RNF150: variants seen among roughly 807,000 people sequenced by gnomAD.
The protein encoded by RNF150 is ring finger protein 150.
A neutral mutation model predicts 39.3 loss-of-function variants in RNF150; 24 were observed. The ratio of observed to expected loss-of-function variants is 0.61; its 90% CI spans 0.44 to 0.86. The LOEUF (loss-of-function observed/expected upper bound fraction) is 0.86, where lower values mean the gene tolerates loss of function less well. Among genes scored for constraint, RNF150 ranks in the 40% least tolerant of loss-of-function variants. RNF150 has a pLI of 0.00. For synonymous variants in RNF150, 255 were observed against 227.3 expected, an observed-to-expected ratio of 1.12 and a Z score of -1.10; for missense variants, 502 against 587.8, an observed-to-expected ratio of 0.85 and a Z score of 1.51.
At chr4:140,931,227 T>C (rs1731623074) in intron 4 of RNF150, among the ~76,000 whole-genome samples, 1 of 152,178 alleles carries the variant, frequency 6.6e-6, no homozygotes, top group South Asian at 2.1e-4. Flanking sequence ...GTGATTATTA[T>C]GATTTCTACT....
At chr4:141,068,585 A>G (rs1737556066) in intron 1 of RNF150, among the ~76,000 whole-genome samples, 1 of 151,608 alleles carries the variant, frequency 6.6e-6, no homozygotes, top group Non-Finnish European at 1.5e-5. Context: ...GTTTTTTCCA[A>G]TTCTGTGAAG....
chr4:141,087,961 G>A (rs1000905396), intron 1 of RNF150, among the ~76,000 whole-genome samples: 8 of 152,058 alleles, frequency 5.3e-5, no homozygotes, highest in Non-Finnish European at 8.8e-5. Flanking sequence ...GAGGACATGT[G>A]CCTGCCCTTT....
chr4:141,115,466 C>A (rs1455439641), intron 1 of RNF150, among the ~76,000 whole-genome samples: 2 of 152,218 alleles, frequency 1.3e-5, no homozygotes, highest in South Asian at 2.1e-4. Context: ...AGGAGAACTA[C>A]AAACCACCGC....
chr4:141,067,781 T>A (rs904300321), intron 1 of RNF150, among the ~76,000 whole-genome samples: 1 of 152,130 alleles, frequency 6.6e-6, no homozygotes, highest in African/African-American at 2.4e-5. Flanking sequence ...TAATTTCTCA[T>A]AAAGACTTTT....
chr4:140,865,683 C>T lies in RNF150; in HGVS notation c.*2578G>A, dbSNP rs1369150024. ...TCCTTGGGGTCAGATCTGCCAGCCT[C>T]GGGTTGGCCTTTCAGACCCCTCATC... On this transcript the variant is annotated 3_prime_UTR_variant, in exon 7 of 7. Coordinates refer to ENST00000515673, the MANE Select transcript of RNF150 (RefSeq NM_020724.2). The T allele has an allele frequency of 3.3e-5, 5 of 152,158 alleles. No individual in the cohort carries two copies. Among genetic ancestry groups the T allele is most frequent in the African/African-American group, 9.7e-5 (4 of 41,270 alleles). 9.4% of individuals were successfully genotyped at this position (152,158 alleles called of 1,614,324 possible). A position where few individuals can be genotyped will look rare whatever the true frequency, so the allele number is the denominator to read the frequency against.
intron 6 of RNF150, among the ~76,000 whole-genome samples, chr4:140,869,514 G>A: frequency 6.6e-6 from 1 of 152,116 alleles, no homozygotes. Flanking sequence ...AGAGGCTATG[G>A]ATATAGGGGA....
At position 140,967,990 on chromosome 4, in the gene RNF150, T is replaced by C. The variant is rs532988855; in HGVS notation, c.485-117A>G. ...CAAATAAGGACAGTACTTTTGAGAA[T>C]TCTGTGCTGGGCTAAGAAGACCTAA... On this transcript the variant is annotated intron_variant, in intron 1 of 6. Coordinates refer to ENST00000515673, the MANE Select transcript of RNF150 (RefSeq NM_020724.2). 283 of 901,900 alleles carry C rather than the reference T, an allele frequency of 3.1e-4. 3 individuals carry two copies. In the South Asian group the frequency reaches 4.8e-3, roughly 15 times the overall value. 55.9% of individuals were successfully genotyped at this position (901,900 alleles called of 1,614,324 possible). A position where few individuals can be genotyped will look rare whatever the true frequency, so the allele number is the denominator to read the frequency against.
intron 1 of RNF150, among the ~76,000 whole-genome samples, chr4:141,108,720 T>TA (rs1560742949): frequency 1.3e-5 from 2 of 152,162 alleles, no homozygotes; most frequent in African/African-American, 2.4e-5. Context: ...ATTTTAAAGT[T>TA]AAAAAAACTG....
intron 5 of RNF150, among the ~76,000 whole-genome samples, chr4:140,922,850 A>T (rs1201477319): frequency 1.3e-5 from 2 of 151,098 alleles, no homozygotes; most frequent in African/African-American, 4.9e-5. Context: ...GACAAACCTG[A>T]CAAAAACCAG....
intron 1 of RNF150, among the ~76,000 whole-genome samples, chr4:141,079,353 C>T (rs1303169712): frequency 6.6e-6 from 1 of 152,200 alleles, no homozygotes; most frequent in Non-Finnish European, 1.5e-5. Context: ...AGGCTAAACA[C>T]TGCTTTTTTT....
At chr4:141,054,746 C>T (rs1736905507) in intron 1 of RNF150, among the ~76,000 whole-genome samples, 1 of 152,206 alleles carries the variant, frequency 6.6e-6, no homozygotes, top group African/African-American at 2.4e-5. Context: ...AATCTACAGG[C>T]CTATAAATCT....
chr4:141,181,971 G>A (rs561538078), intron 1 of RNF150, among the ~76,000 whole-genome samples: 1 of 152,282 alleles, frequency 6.6e-6, no homozygotes, highest in South Asian at 2.1e-4. Flanking sequence ...AACCTAAGGA[G>A]AGGTATCCGG....
At chr4:140,868,922 GAT>G (rs891955846) in intron 6 of RNF150, among the ~76,000 whole-genome samples, 2 of 151,782 alleles carry the variant, frequency 1.3e-5, no homozygotes, top group African/African-American at 4.8e-5. Flanking sequence ...GTAAAAATAA[GAT>G]ATCCTTTTTT....
At chr4:141,087,247 T>C (rs781412232) in intron 1 of RNF150, among the ~76,000 whole-genome samples, 1 of 152,240 alleles carries the variant, frequency 6.6e-6, no homozygotes, top group Non-Finnish European at 1.5e-5. Flanking sequence ...TTTAGTTTTC[T>C]GTTCCTGAAT....
At chr4:141,190,127 C>G (rs1426580399) in intron 1 of RNF150, among the ~76,000 whole-genome samples, 1 of 152,146 alleles carries the variant, frequency 6.6e-6, no homozygotes, top group Admixed American at 6.5e-5. Context: ...GACACCCCAC[C>G]CTGCTCTGCT....
At chr4:141,001,183 C>T (rs1305346408) in intron 1 of RNF150, among the ~76,000 whole-genome samples, 1 of 152,098 alleles carries the variant, frequency 6.6e-6, no homozygotes, top group African/African-American at 2.4e-5. Flanking sequence ...TGTAAAAATA[C>T]AATACATCTT....
At chr4:140,883,353 T>C (rs1307827007) in intron 6 of RNF150, among the ~76,000 whole-genome samples, 1 of 152,202 alleles carries the variant, frequency 6.6e-6, no homozygotes, top group African/African-American at 2.4e-5. Flanking sequence ...TGTCTACATA[T>C]TTACTTTTGC....
At chr4:140,934,889 T>A (rs1279527817) in intron 4 of RNF150, among the ~76,000 whole-genome samples, 1 of 150,560 alleles carries the variant, frequency 6.6e-6, no homozygotes, top group East Asian at 1.9e-4. Flanking sequence ...ATCATTGATA[T>A]CTGTCCTATC....
At chr4:140,935,228 A>G (rs946046178) in intron 4 of RNF150, among the ~76,000 whole-genome samples, 3 of 151,578 alleles carry the variant, frequency 2.0e-5, no homozygotes, top group Non-Finnish European at 4.4e-5. Flanking sequence ...TGTTGCTACT[A>G]ACATCAATTT....
Sources: gnomAD v4.1 joint callset for allele counts (sites outside exome capture counted in the v4.1 genomes callset) on GRCh38, gnomAD v4.1.1 for gene constraint, MANE v1.5 for transcripts, NCBI Gene and HGNC (gene_info 2026-07-23, HGNC 2026-07-21) for gene names.